B4GALNT4: variants seen among roughly 807,000 people sequenced by gnomAD.
The protein encoded by B4GALNT4 is beta-1,4-N-acetyl-galactosaminyltransferase 4.
In B4GALNT4, 77 loss-of-function variants were observed where a neutral mutation model predicts 110.0. The observed-to-expected ratio is 0.70, with a 90% CI of 0.58 to 0.85. B4GALNT4 has a LOEUF of 0.85. Ranked by LOEUF, B4GALNT4 falls within the 40% of genes least tolerant of loss-of-function variation. The probability of loss-of-function intolerance (pLI) is 0.00; values close to 1 mark genes in which losing one functional copy is unlikely to be tolerated. For missense variants in B4GALNT4, 1,575 were observed against 1,506.0 expected, an observed-to-expected ratio of 1.05 and a Z score of -0.76; for synonymous variants, 785 against 655.5, an observed-to-expected ratio of 1.20 and a Z score of -3.02.
At position 373,026 on chromosome 11, in the gene B4GALNT4, A is replaced by T; in HGVS notation, c.445A>T (p.Thr149Ser). 1 of 1,612,456 alleles carries T rather than the reference A, an allele frequency of 6.2e-7. No homozygotes were observed. The highest frequency in any genetic ancestry group is 8.5e-7 in the Non-Finnish European group (1 of 1,179,862). The change falls in exon 5 of 20, where the codon ACG becomes TCG. Residue 149 changes from threonine to serine, a missense_variant and splice_region_variant. Transcript: ENST00000329962. The part of the protein sequence containing the change: ...RNLHFPLFPH[T>S]RTTVKKLAVS... ...ACAGCAACAGTCACTGCCCCCCCAG[A>T]CGCGCACCACCGTGAAGAAGTTGGC...
intron 11 of B4GALNT4, 40 bp downstream of exon 11, chr11:375,996 C>G: frequency 6.2e-7 from 1 of 1,604,796 alleles, no homozygotes; most frequent in Non-Finnish European, 8.5e-7. Context: ...TCCGGGACTC[C>G]GCGGAGCCTT....
At position 372,682 on chromosome 11, in the gene B4GALNT4, C is replaced by T; in HGVS notation, c.276C>T (p.Asp92=). 4 of 1,612,018 alleles carry T rather than the reference C, an allele frequency of 2.5e-6. No homozygotes were observed. Among genetic ancestry groups the T allele is most frequent in the Non-Finnish European group, 3.4e-6 (4 of 1,179,810 alleles). ...TGCAGCCCGAAGGTCGGGACCTAGA[C>T]ATGCTGTTTCCTGGGGGGGCTGGGA... is the stretch of plus-strand genomic sequence containing the variant. ...EEQAPEGRDL[D]MLFPGGAGRL... Residue 92 remains aspartate, a synonymous_variant, in exon 3 of 20, where the codon GAC becomes GAT. Coordinates refer to ENST00000329962, the MANE Select transcript of B4GALNT4 (RefSeq NM_178537.5).
At chr11:380,791 C>T in intron 18 of B4GALNT4, 34 bp from the exon 19 acceptor site, 2 of 1,613,524 alleles carry the variant, frequency 1.2e-6, no homozygotes, top group South Asian at 2.2e-5. Flanking sequence ...AGGACCTGGT[C>T]TGAAGGGTAG....
In B4GALNT4 at chr11:375,497, A is replaced by G. The variant is rs1177518423; in HGVS notation, c.820A>G (p.Ile274Val). 6.2e-7 allele frequency: 1 copy of G among 1,611,714 alleles called. No individual in the cohort carries two copies. Among genetic ancestry groups the G allele is most frequent in the Admixed American group, 1.7e-5 (1 of 60,004 alleles). The change falls in exon 9 of 20, where the codon ATC becomes GTC. Residue 274 changes from isoleucine (I) to valine (V), a missense_variant. By Grantham distance (29) the Ile-to-Val change is conservative. Coordinates refer to ENST00000329962, the MANE Select transcript of B4GALNT4 (RefSeq NM_178537.5). Reference sequence around the variant, plus strand: ...CCTGCCCGGCCTGAAGTTCGAGGTCATCAGCTCTGCTCACATCTCCCTGTA... The same window carrying G: ...CCTGCCCGGCCTGAAGTTCGAGGTCGTCAGCTCTGCTCACATCTCCCTGTA... ...AFLPGLKFEV[I>V]SSAHISLYTD...
Position 376,830 on chromosome 11 carries a change from A to T in B4GALNT4, c.1707A>T (p.Pro569=). Residue 569 remains proline, a synonymous_variant, in exon 14 of 20, where the codon CCA becomes CCT. Coordinates refer to ENST00000329962, the MANE Select transcript of B4GALNT4 (RefSeq NM_178537.5). ...PLPRVQLRAP[P]RPPRPHGRRT... ...CCAGAGTGCAGCTGCGGGCGCCCCC[A>T]CGCCCACCCCGGCCCCACGGCCGCA... 1.5e-6 allele frequency: 2 copies of T among 1,340,534 alleles called. No homozygotes were observed. Among genetic ancestry groups the T allele is most frequent in the Non-Finnish European group, 1.9e-6 (2 of 1,044,912 alleles). 83.0% of individuals were successfully genotyped at this position (1,340,534 alleles called of 1,614,324 possible). A position where few individuals can be genotyped will look rare whatever the true frequency, so the allele number is the denominator to read the frequency against.
chr11:371,587 A>G (rs1463805158), intron 1 of B4GALNT4, among the ~76,000 whole-genome samples: 3 of 152,250 alleles, frequency 2.0e-5, no homozygotes, highest in African/African-American at 4.8e-5. Context: ...GTCAGCATCC[A>G]TGCCTGTTCC....
rs1410545642 is a variant in B4GALNT4, at chr11:377,094, C to G, written c.1971C>G (p.Asp657Glu). 1.4e-6 allele frequency: 2 copies of G among 1,454,404 alleles called. No homozygotes were observed. Among genetic ancestry groups the G allele is most frequent in the African/African-American group, 1.5e-5 (1 of 67,502 alleles). 90.1% of individuals were successfully genotyped at this position (1,454,404 alleles called of 1,614,324 possible). A position where few individuals can be genotyped will look rare whatever the true frequency, so the allele number is the denominator to read the frequency against. ...EEGEDDGAPG[D>E]EAASEDSEEA... The stretch of plus-strand genomic sequence containing the variant: ...GGGAGGACGATGGGGCCCCGGGCGA[C>G]GAGGCCGCGTCGGAGGACAGCGAGG... The change falls in exon 14 of 20, where the codon GAC becomes GAG. Residue 657 changes from aspartate to glutamate, a missense_variant. Transcript: ENST00000329962.
rs373122081 is a variant in B4GALNT4 at position 381,693 on chromosome 11, G to A, written c.3021G>A (p.Val1007=). 19 of 1,592,560 alleles carry A rather than the reference G, an allele frequency of 1.2e-5. No homozygotes were observed. The African/African-American group carries it at 2.6e-4, about 22-fold the overall frequency. Residue 1007 remains valine, a synonymous_variant, in exon 20 of 20, where the codon GTG becomes GTA. Coordinates refer to ENST00000329962, the MANE Select transcript of B4GALNT4 (RefSeq NM_178537.5). The part of the protein sequence containing the change: ...LDRVLQAGLE[V]ERLRLRNFYH... The stretch of plus-strand genomic sequence containing the variant: ...GGGTCCTGCAGGCAGGGCTGGAGGT[G>A]GAGCGGCTCCGACTGCGGAATTTCT...
In B4GALNT4 at chr11:380,024, C is replaced by T; in HGVS notation, c.2642+5C>T. On this transcript the variant is annotated splice_donor_5th_base_variant and intron_variant, in intron 16 of 19. Coordinates refer to ENST00000329962, the MANE Select transcript of B4GALNT4 (RefSeq NM_178537.5). ...GCGCGCCGCGCGCCTGCCCCGGTAA[C>T]GACCCCTACTTCCACCTGGGCGGAC... 1 of 1,611,242 alleles carries T rather than the reference C, an allele frequency of 6.2e-7. No homozygotes were observed.
rs972271539 is a variant in B4GALNT4, at chr11:376,068, C to T, written c.1096-6C>T. ...GCCCTGAGCCCTGCGCCCCCCCACC[C>T]CCCAGGTGTACCTGTCCTTCGTTTA... is the stretch of plus-strand genomic sequence containing the variant. On this transcript the variant is annotated splice_region_variant and splice_polypyrimidine_tract_variant and intron_variant, in intron 11 of 19. Coordinates refer to ENST00000329962, the MANE Select transcript of B4GALNT4 (RefSeq NM_178537.5). 9 of 1,608,978 alleles carry T rather than the reference C, an allele frequency of 5.6e-6. No homozygotes were observed. Among genetic ancestry groups the T allele is most frequent in the African/African-American group, 1.3e-5 (1 of 74,804 alleles).
At position 379,697 on chromosome 11, in the gene B4GALNT4, G is replaced by T. The variant is rs751441615; in HGVS notation, c.2484G>T (p.Val828=). 1 of 1,501,392 alleles carries T rather than the reference G, an allele frequency of 6.7e-7. No individual in the cohort carries two copies. Among genetic ancestry groups the T allele is most frequent in the Non-Finnish European group, 8.9e-7 (1 of 1,127,966 alleles). 93.0% of individuals were successfully genotyped at this position (1,501,392 alleles called of 1,614,324 possible). A position where few individuals can be genotyped will look rare whatever the true frequency, so the allele number is the denominator to read the frequency against. ...WRQDVMVHFI[V]PVKNQARWVA... ...AGGACGTGATGGTTCACTTCATCGT[G>T]CCAGGTTCGCAGGGCGGGCTCGGGG... Residue 828 remains valine (V), a synonymous_variant, in exon 15 of 20, where the codon GTG becomes GTT. Coordinates refer to ENST00000329962, the MANE Select transcript of B4GALNT4 (RefSeq NM_178537.5).
Position 369,798 on chromosome 11 carries a change from G to A in B4GALNT4, c.-6G>A. 3 of 980,072 alleles carry A rather than the reference G, an allele frequency of 3.1e-6. No individual in the cohort carries two copies. The highest frequency in any genetic ancestry group is 2.4e-6 in the Non-Finnish European group (2 of 827,840). The allele number at this position is 980,072 out of a possible 1,614,324, so 60.7% of individuals were successfully genotyped here. On this transcript the variant is annotated 5_prime_UTR_variant, in exon 1 of 20. Transcript: ENST00000329962. ...AGCGCGGCCTGGGGCGGGCGCGGCG[G>A]CCGCGATGCCGCGGCTCCCGGTGAA... is the stretch of plus-strand genomic sequence containing the variant.
Sources: gnomAD v4.1 joint callset for allele counts (sites outside exome capture counted in the v4.1 genomes callset) on GRCh38, gnomAD v4.1.1 for gene constraint, MANE v1.5 for transcripts, NCBI Gene and HGNC (gene_info 2026-07-23, HGNC 2026-07-21) for gene names.